The following MAP2K3 variants were observed in gnomAD, a reference collection of about 807,000 sequenced individuals.
The protein encoded by MAP2K3 is dual specificity mitogen-activated protein kinase kinase 3.
MAP2K3 carries 30 observed loss-of-function variants against 46.4 expected under a neutral mutation model. That is an observed-to-expected ratio of 0.65 (90% CI 0.48 to 0.88). The LOEUF (loss-of-function observed/expected upper bound fraction) is 0.88, where lower values mean the gene tolerates loss of function less well. MAP2K3 is among the 40% of genes least tolerant of loss of function. The pLI, the probability that MAP2K3 is intolerant of heterozygous loss-of-function variation, is 0.00. For synonymous variants in MAP2K3, 189 were observed against 176.3 expected (o/e 1.07, Z -0.57); for missense variants, 380 against 464.5 (o/e 0.82, Z 1.67).
chr17:21,309,895 C>T (rs868200979), intron 9 of MAP2K3, among the ~76,000 whole-genome samples: 5 of 151,968 alleles, frequency 3.3e-5, no homozygotes, highest in East Asian at 1.9e-4. Flanking sequence ...TGAGCCACTG[C>T]GCCTGGCCTC....
Position 21,300,554 on chromosome 17 carries a change from G to T in MAP2K3, c.175G>T (p.Val59Leu). ...TTTTCCATCCTTCAAGAACTTTGAGGTGGAGGCTGATGACTTGGTGACCAT... is the reference window on the plus strand; with the variant it reads ...TTTTCCATCCTTCAAGAACTTTGAGTTGGAGGCTGATGACTTGGTGACCAT... ...FITIGDRNFEVEADDLVTISE... is the reference protein window; with the variant it reads ...FITIGDRNFELEADDLVTISE... The change falls in exon 4 of 12, where the codon GTG (valine) becomes TTG (leucine). Residue 59 changes from valine to leucine, a missense_variant. This residue lies in a region of MAP2K3 where 294 missense variants were observed against 275.4 expected (regional missense o/e 1.07). Coordinates refer to ENST00000342679, the MANE Select transcript of MAP2K3 (RefSeq NM_145109.3). 6.2e-7 allele frequency: 1 copy of T among 1,610,562 alleles called. No individual in the cohort carries two copies. Among genetic ancestry groups the T allele is most frequent in the Non-Finnish European group, 8.5e-7 (1 of 1,178,510 alleles).
chr17:21,289,856 G>A (rs1975834552), intron 1 of MAP2K3, among the ~76,000 whole-genome samples: 1 of 152,160 alleles, frequency 6.6e-6, no homozygotes. Flanking sequence ...TCACCTCCCT[G>A]CCCTGCACTC....
chr17:21,293,398 C>A (rs554696950), intron 1 of MAP2K3, among the ~76,000 whole-genome samples: 1 of 152,312 alleles, frequency 6.6e-6, no homozygotes, highest in African/African-American at 2.4e-5. Flanking sequence ...ATGTTGCAGG[C>A]GGGCCATGGT....
chr17:21,302,827 A>G (rs1976681258), intron 6 of MAP2K3, among the ~76,000 whole-genome samples: 2 of 152,428 alleles, frequency 1.3e-5, no homozygotes, highest in South Asian at 2.1e-4. Context: ...CCCAAGGGAA[A>G]TGGCTCCAAG....
intron 5 of MAP2K3, 117 bp downstream of exon 5, chr17:21,301,110 C>T: frequency 6.5e-7 from 1 of 1,544,530 alleles, no homozygotes; most frequent in Non-Finnish European, 8.8e-7. Context: ...GGCATACTGG[C>T]AGGAGGCTCC....
chr17:21,312,472 A>C (rs1291614913), intron 10 of MAP2K3, among the ~76,000 whole-genome samples, 191 bp downstream of exon 10: 1 of 152,190 alleles, frequency 6.6e-6, no homozygotes, highest in Non-Finnish European at 1.5e-5. Context: ...GGGAGATTTT[A>C]ATACAGTTCT....
intron 1 of MAP2K3, chr17:21,285,451 TC>T (rs776061598): frequency 1.4e-5 from 3 of 214,404 alleles, no homozygotes; most frequent in Non-Finnish European, 2.4e-5. Context: ...CCCAGAGTGC[TC>T]CTGTTGTTGC....
chr17:21,301,818 C>A (rs1976617788), intron 5 of MAP2K3, among the ~76,000 whole-genome samples: 1 of 152,310 alleles, frequency 6.6e-6, no homozygotes, highest in Non-Finnish European at 1.5e-5. Flanking sequence ...CCGGCTGTTG[C>A]CATGGAGCTG....
In MAP2K3 at chr17:21,284,864, G is replaced by A. The variant is rs1975680960; in HGVS notation, c.-57G>A. The A allele has an allele frequency of 3.1e-5, 49 of 1,582,818 alleles. No homozygotes were observed. The South Asian group carries it at 5.5e-4, about 18-fold the overall frequency. ...GCAGCCATGAGCGTGCTCGGCCCCGGTGGAGCCCGCAGTCCTCTAGATTAG... is the reference window on the plus strand; with the variant it reads ...GCAGCCATGAGCGTGCTCGGCCCCGATGGAGCCCGCAGTCCTCTAGATTAG... On this transcript the variant is annotated 5_prime_UTR_variant, in exon 1 of 12. The change creates a new upstream start codon in the 5' untranslated region. Coordinates refer to ENST00000342679, the MANE Select transcript of MAP2K3 (RefSeq NM_145109.3).
chr17:21,312,391 C>G, intron 10 of MAP2K3, 110 bp downstream of exon 10: 2 of 1,188,746 alleles, frequency 1.7e-6, no homozygotes, highest in Non-Finnish European at 2.3e-6. Context: ...CCCCAGATGA[C>G]TTGGCATCCA....
chr17:21,298,349 TGGGAGTGCAG>T, intron 1 of MAP2K3, 54 bp from the exon 2 acceptor site: 2 of 1,607,840 alleles, frequency 1.2e-6, no homozygotes, highest in Non-Finnish European at 1.7e-6. Flanking sequence ...TGATGGCTCA[TGGGAGTGCAG>T]GGGACATTGA....
chr17:21,309,366 G>A (rs1467561905), intron 9 of MAP2K3, among the ~76,000 whole-genome samples: 6 of 152,124 alleles, frequency 3.9e-5, no homozygotes, highest in African/African-American at 7.2e-5. Flanking sequence ...TGCACACAGC[G>A]GGAGGCGGAG....
At chr17:21,286,032 G>C (rs1975713681) in intron 1 of MAP2K3, among the ~76,000 whole-genome samples, 1 of 152,162 alleles carries the variant, frequency 6.6e-6, no homozygotes, top group African/African-American at 2.4e-5. Flanking sequence ...TGAACCTGCA[G>C]CTGCTTCACC....
intron 1 of MAP2K3, among the ~76,000 whole-genome samples, chr17:21,294,774 C>T (rs1356139892): frequency 6.6e-6 from 1 of 152,312 alleles, no homozygotes; most frequent in Non-Finnish European, 1.5e-5. Flanking sequence ...CTCCACGCGC[C>T]AGGCACTGCT....
chr17:21,298,513 T>C (rs1457657552), intron 2 of MAP2K3, 34 bp downstream of exon 2: 1 of 1,614,278 alleles, frequency 6.2e-7, no homozygotes, highest in African/African-American at 1.3e-5. Flanking sequence ...TGGCTCACCC[T>C]GGAGAGGCTT....
In MAP2K3 at chr17:21,313,537, G is replaced by A. The variant is rs777906236; in HGVS notation, c.960G>A (p.Met320Ile). Residue 320 changes from methionine (M) to isoleucine (I), a missense_variant and splice_region_variant, in exon 11 of 12, where the codon ATG (methionine) becomes ATA (isoleucine). Physicochemically the swap from Met to Ile is conservative, Grantham distance 10 (BLOSUM62 1). Around this residue, in one of 5 missense-constraint regions of MAP2K3, gnomAD observed 63 missense variants for 81.6 expected, o/e 0.77. Coordinates refer to ENST00000342679, the MANE Select transcript of MAP2K3 (RefSeq NM_145109.3). ...PAERMSYLEL[M>I]EHPFFTLHKT... ...AGCGTATGAGCTACCTGGAGCTGAT[G>A]GTGAGTATGGGCGGGAGGTGCCTGC... The A allele has an allele frequency of 6.8e-6, 11 of 1,611,928 alleles. No individual in the cohort carries two copies. In the South Asian group the frequency reaches 1.2e-4, roughly 18 times the overall value.
Position 21,304,409 on chromosome 17 carries a change from A to T in MAP2K3, c.569-17A>T, listed in dbSNP as rs999713539. The T allele has an allele frequency of 1.2e-6, 2 of 1,614,302 alleles. No homozygotes were observed. The highest frequency in any genetic ancestry group is 1.7e-6 in the Non-Finnish European group (2 of 1,180,050). On this transcript the variant is annotated splice_polypyrimidine_tract_variant and intron_variant, in intron 7 of 11. Transcript: ENST00000342679. ...CGTGCTCCACAGACGTGGCTGAGGC[A>T]TGTCCCTCCCTGGCAGATGTGAAGC...
chr17:21,295,038 G>A (rs530181484), intron 1 of MAP2K3, among the ~76,000 whole-genome samples: 2 of 152,428 alleles, frequency 1.3e-5, no homozygotes, highest in Non-Finnish European at 2.9e-5. Context: ...GCCGGTCACT[G>A]GGGCCTGCGC....
At chr17:21,290,001 C>T (rs531861628) in intron 1 of MAP2K3, among the ~76,000 whole-genome samples, 8 of 152,302 alleles carry the variant, frequency 5.3e-5, no homozygotes, top group African/African-American at 1.9e-4. Flanking sequence ...GCTCTGCTGA[C>T]ACCTCCTGGC....
Sources: allele counts gnomAD v4.1 joint callset (sites outside exome capture counted in the v4.1 genomes callset), GRCh38; gene constraint gnomAD v4.1.1; regional missense constraint gnomAD v4.1.1; transcripts MANE v1.5; gene names NCBI Gene and HGNC (gene_info 2026-07-23, HGNC 2026-07-21).